Variants in FNIP1 observed in about 807,000 individuals in gnomAD.
FNIP1 encodes the protein folliculin-interacting protein 1.
Under a neutral mutation model 124.5 loss-of-function variants are expected in FNIP1, and 40 were observed. The observed-to-expected ratio is 0.32, with a 90% confidence interval of 0.25 to 0.42. The LOEUF is 0.42. Ranked by LOEUF, FNIP1 falls within the 10% of genes least tolerant of loss-of-function variation. The pLI is 1.00. For missense variants in FNIP1, 1,176 were observed against 1,403.7 expected (o/e 0.84, Z 2.59); for synonymous variants, 472 against 470.6 (o/e 1.00, Z -0.04).
intron 2 of FNIP1, among the ~76,000 whole-genome samples, chr5:131,734,553 C>G (rs541572884): frequency 1.3e-5 from 2 of 152,020 alleles, no homozygotes; most frequent in Non-Finnish European, 2.9e-5. Flanking sequence ...ATTTTTGCAA[C>G]CTACTCATCT....
chr5:131,719,851 T>C (rs1769598317), intron 3 of FNIP1, among the ~76,000 whole-genome samples: 1 of 152,220 alleles, frequency 6.6e-6, no homozygotes, highest in Admixed American at 6.5e-5. Context: ...TCCTGTTGTA[T>C]ATAAGAAGCA....
intron 3 of FNIP1, among the ~76,000 whole-genome samples, chr5:131,720,793 A>C (rs878874289): frequency 2.0e-5 from 3 of 152,214 alleles, no homozygotes; most frequent in African/African-American, 7.2e-5. Context: ...CAAAACCACA[A>C]AACCTGTCAG....
chr5:131,665,899 C>T (rs42408), intron 15 of FNIP1, among the ~76,000 whole-genome samples: 89,123 of 122,880 alleles, frequency 0.73, 31,003 homozygotes, highest in Non-Finnish European at 0.78. Context: ...TAAAATAATA[C>T]TTTTTTTTTT....
At chr5:131,745,233 C>T (rs1408582179) in intron 1 of FNIP1, among the ~76,000 whole-genome samples, 1 of 151,918 alleles carries the variant, frequency 6.6e-6, no homozygotes. Flanking sequence ...CAAACTGGCA[C>T]AACTCCTGGG....
intron 3 of FNIP1, among the ~76,000 whole-genome samples, chr5:131,724,280 G>T (rs938029170): frequency 3.3e-5 from 5 of 152,126 alleles, no homozygotes; most frequent in Non-Finnish European, 5.9e-5. Context: ...TGGAGGAATT[G>T]GCACACTGTC....
chr5:131,795,418 C>A (rs941826204), intron 1 of FNIP1, among the ~76,000 whole-genome samples: 2 of 152,180 alleles, frequency 1.3e-5, no homozygotes, highest in Non-Finnish European at 2.9e-5. Flanking sequence ...TGTAAACCTA[C>A]GTACCCAAAG....
At chr5:131,788,143 C>T (rs925401069) in intron 1 of FNIP1, among the ~76,000 whole-genome samples, 2 of 152,102 alleles carry the variant, frequency 1.3e-5, no homozygotes, top group Admixed American at 1.3e-4. Flanking sequence ...ATCAACAGGA[C>T]TTAACAAATG....
Position 131,651,794 on chromosome 5 carries a change from A to G in FNIP1, c.3306+8T>C, listed in dbSNP as rs747337427. ...TAAAGTAATGCAAGCAGTGTTACAC[A>G]TACTTACAAAATTTGGAGACAAGTT... On this transcript the variant is annotated splice_region_variant and intron_variant, in intron 16 of 17. Transcript: ENST00000510461. 17 of 1,613,394 alleles carry G rather than the reference A, an allele frequency of 1.1e-5. No individual in the cohort carries two copies. Among genetic ancestry groups the G allele is most frequent in the Non-Finnish European group, 1.4e-5 (16 of 1,179,492 alleles).
chr5:131,744,817 ATCTT>A, intron 1 of FNIP1, 127 bp from the exon 2 acceptor site: 7 of 600,600 alleles, frequency 1.2e-5, no homozygotes, highest in South Asian at 7.2e-5. Flanking sequence ...TAATATATAT[ATCTT>A]TATATTAAAT....
chr5:131,693,317 CACATATATATATATACATATAT>C (rs1768557853), intron 11 of FNIP1, among the ~76,000 whole-genome samples: 4 of 41,596 alleles, frequency 9.6e-5, no homozygotes, highest in South Asian at 8.6e-4. Flanking sequence ...TATATATATA[CACATATATATATATACATATAT>C]ATATATATAT....
At chr5:131,773,063 G>A (rs1393158935) in intron 1 of FNIP1, among the ~76,000 whole-genome samples, 4 of 152,022 alleles carry the variant, frequency 2.6e-5, no homozygotes, top group African/African-American at 9.7e-5. Context: ...TACCCTTCCT[G>A]ATGCTATTCC....
rs145826042 is a variant in FNIP1, at chr5:131,774,099, T to A, written c.92+22731A>T. 3.7e-3 allele frequency among the ~76,000 whole-genome samples: 571 copies of A among 152,356 alleles called. 4 individuals carry two copies. Among genetic ancestry groups the A allele is most frequent in the African/African-American group, 0.013 (541 of 41,588 alleles). On this transcript the variant is annotated intron_variant, in intron 1 of 17. Coordinates refer to ENST00000510461, the MANE Select transcript of FNIP1 (RefSeq NM_133372.3). ...TGGAGTGCAGTGACGTGATCATAGC[T>A]CACAGCAACTTTGAACTCCTGGGCT...
At chr5:131,756,202 A>G (rs1208626483) in intron 1 of FNIP1, among the ~76,000 whole-genome samples, 2 of 152,188 alleles carry the variant, frequency 1.3e-5, no homozygotes, top group African/African-American at 4.8e-5. Flanking sequence ...TTGATTGAAG[A>G]GAAAGAGCTG....
intron 2 of FNIP1, among the ~76,000 whole-genome samples, chr5:131,739,812 C>CAAAAAAA (rs60928249): frequency 6.4e-5 from 2 of 31,362 alleles, no homozygotes; most frequent in Admixed American, 2.9e-4. Context: ...GACTCCAGCT[C>CAAAAAAA]AAAAAAAAAA....
At chr5:131,712,022 T>C (rs1043449764) in intron 6 of FNIP1, among the ~76,000 whole-genome samples, 3 of 152,218 alleles carry the variant, frequency 2.0e-5, no homozygotes, top group East Asian at 1.9e-4. Context: ...CATGCATATA[T>C]GCACATACAC....
Position 131,698,968 on chromosome 5 carries a change from C to G in FNIP1, c.1151G>C (p.Ser384Thr). ...MKMSRRSADASQRSLAYNRIV... is the reference protein window; with the variant it reads ...MKMSRRSADATQRSLAYNRIV... ...TCGATTATATGCCAAACTTCTCTGA[C>G]TGGCATCAGCTGATCTCCGGCTCAT... The change falls in exon 11 of 18, where the codon AGT becomes ACT. Residue 384 changes from serine (S) to threonine (T), a missense_variant. Transcript: ENST00000510461. 6.2e-7 allele frequency: 1 copy of G among 1,611,278 alleles called. No individual in the cohort carries two copies. Among genetic ancestry groups the G allele is most frequent in the Non-Finnish European group, 8.5e-7 (1 of 1,179,108 alleles).
Position 131,709,213 on chromosome 5 carries a change from T to C in FNIP1, c.766A>G (p.Ile256Val). Residue 256 changes from isoleucine (I) to valine (V), a missense_variant, in exon 8 of 18, where the codon ATA becomes GTA. Ile to Val is a conservative substitution (Grantham distance 29). This residue lies in a region of FNIP1 where 1,109 missense variants were observed against 1,288.5 expected (regional missense o/e 0.86). Coordinates refer to ENST00000510461, the MANE Select transcript of FNIP1 (RefSeq NM_133372.3). ...AACGTGACATTACCAGACCGTGCTA[T>C]GCCACTGTCTCTGTCCTCATTGAGC... ...RELNEDRDSG[I>V]ARSASLSSLL... 6.2e-7 allele frequency: 1 copy of C among 1,614,008 alleles called. No individual in the cohort carries two copies. The highest frequency in any genetic ancestry group is 8.5e-7 in the Non-Finnish European group (1 of 1,179,872).
chr5:131,653,882 C>G (rs911568385), intron 15 of FNIP1, among the ~76,000 whole-genome samples: 1 of 152,162 alleles, frequency 6.6e-6, no homozygotes, highest in Admixed American at 6.5e-5. Flanking sequence ...GCTGGGATTA[C>G]AGGTGTGTGC....
chr5:131,643,969 T>C lies in FNIP1; in HGVS notation c.*716A>G, dbSNP rs1407883579. On this transcript the variant is annotated 3_prime_UTR_variant, in exon 18 of 18. Coordinates refer to ENST00000510461, the MANE Select transcript of FNIP1 (RefSeq NM_133372.3). The stretch of plus-strand genomic sequence containing the variant: ...TTAAAAAAAAGGTTGGCTTTACTTA[T>C]ATTTTAGAGTGTGTGAAACAGAAAA... 1.3e-5 allele frequency: 2 copies of C among 152,646 alleles called. No homozygotes were observed. The highest frequency in any genetic ancestry group is 2.9e-5 in the Non-Finnish European group (2 of 68,026). The allele number at this position is 152,646 out of a possible 1,614,324, so 9.5% of individuals were successfully genotyped here.
Sources: gnomAD v4.1 joint callset for allele counts (sites outside exome capture counted in the v4.1 genomes callset) on GRCh38, gnomAD v4.1.1 for gene constraint, gnomAD v4.1.1 regional missense constraint, MANE v1.5 for transcripts, NCBI Gene and HGNC (gene_info 2026-07-23, HGNC 2026-07-21) for gene names.